The following LHFPL3 variants were observed in gnomAD, a reference collection of about 807,000 sequenced individuals.
LHFPL3 encodes the protein LHFPL tetraspan subfamily member 3 protein.
A neutral mutation model predicts 19.3 loss-of-function variants in LHFPL3; 5 were observed. The observed-to-expected ratio is 0.26, with a 90% CI of 0.14 to 0.54. LHFPL3 has a LOEUF of 0.54. LHFPL3 is among the 20% of genes least tolerant of loss of function. LHFPL3 has a pLI of 0.94. For synonymous variants in LHFPL3, 133 were observed against 126.2 expected, an observed-to-expected ratio of 1.05 and a Z score of -0.36; for missense variants, 249 against 307.4, an observed-to-expected ratio of 0.81 and a Z score of 1.42.
At chr7:104,502,185 C>T (rs1239015368) in intron 1 of LHFPL3, among the ~76,000 whole-genome samples, 4 of 152,254 alleles carry the variant, frequency 2.6e-5, no homozygotes, top group African/African-American at 7.2e-5. Context: ...GATGTAGTCT[C>T]CTAACTGTAT....
intron 1 of LHFPL3, among the ~76,000 whole-genome samples, chr7:104,450,322 C>T (rs560294616): frequency 6.6e-6 from 1 of 152,162 alleles, no homozygotes. Context: ...ATGAGGTTAT[C>T]CTTCTGGGTA....
At chr7:104,504,208 G>C (rs1347485129) in intron 1 of LHFPL3, among the ~76,000 whole-genome samples, 1 of 152,144 alleles carries the variant, frequency 6.6e-6, no homozygotes, top group Non-Finnish European at 1.5e-5. Context: ...GAAAATCATA[G>C]AAAAATATGA....
intron 1 of LHFPL3, among the ~76,000 whole-genome samples, chr7:104,571,754 A>T (rs1209863647): frequency 6.6e-6 from 1 of 152,190 alleles, no homozygotes; most frequent in Admixed American, 6.6e-5. Flanking sequence ...GTATTTGCAG[A>T]CAACCAAGTC....
chr7:104,344,016 A>G (rs1283364388), intron 1 of LHFPL3, among the ~76,000 whole-genome samples: 2 of 152,258 alleles, frequency 1.3e-5, no homozygotes, highest in Admixed American at 6.5e-5. Context: ...GCAAATACTA[A>G]TTAGATTAAA....
At chr7:104,852,041 T>TC (rs1318761702) in intron 2 of LHFPL3, among the ~76,000 whole-genome samples, 2 of 152,030 alleles carry the variant, frequency 1.3e-5, no homozygotes, top group East Asian at 3.9e-4. Flanking sequence ...CCAACTTTTT[T>TC]CCCTCTCCCT....
intron 1 of LHFPL3, among the ~76,000 whole-genome samples, chr7:104,418,332 A>G (rs1032038261): frequency 6.6e-6 from 1 of 152,220 alleles, no homozygotes; most frequent in African/African-American, 2.4e-5. Context: ...CAGAGATTTG[A>G]GACCAGTCTG....
chr7:104,341,553 C>T (rs748056027), intron 1 of LHFPL3, among the ~76,000 whole-genome samples: 8 of 152,142 alleles, frequency 5.3e-5, no homozygotes, highest in Non-Finnish European at 8.8e-5. Flanking sequence ...CTTGTTTGAC[C>T]ACACTGTTTT....
At chr7:104,416,036 A>C (rs1338849952) in intron 1 of LHFPL3, among the ~76,000 whole-genome samples, 3 of 152,218 alleles carry the variant, frequency 2.0e-5, no homozygotes, top group Non-Finnish European at 4.4e-5. Context: ...ACATGACCTC[A>C]TTTGGAGATA....
chr7:104,435,560 ATTT>A (rs35738483), intron 1 of LHFPL3, among the ~76,000 whole-genome samples: 1 of 143,918 alleles, frequency 6.9e-6, no homozygotes, highest in Non-Finnish European at 1.5e-5. Context: ...TTCTTTCTAG[ATTT>A]TTTTTTTTTT....
chr7:104,387,165 A>G (rs78151800), intron 1 of LHFPL3, among the ~76,000 whole-genome samples: 13,996 of 152,274 alleles, frequency 0.092, 695 homozygotes, highest in African/African-American at 0.1. Flanking sequence ...GAGGACAGCA[A>G]CAAACTTATA....
At chr7:104,436,802 A>G (rs1220537028) in intron 1 of LHFPL3, among the ~76,000 whole-genome samples, 3 of 152,328 alleles carry the variant, frequency 2.0e-5, no homozygotes, top group East Asian at 3.9e-4. Context: ...ATATCATTAA[A>G]TTGTACTTGC....
intron 1 of LHFPL3, among the ~76,000 whole-genome samples, chr7:104,620,198 C>T (rs1174797469): frequency 1.3e-5 from 2 of 152,142 alleles, no homozygotes; most frequent in African/African-American, 4.8e-5. Context: ...GCCTGGGACC[C>T]AGCCTTGATA....
chr7:104,827,177 G>A (rs1790840849), intron 2 of LHFPL3, among the ~76,000 whole-genome samples: 2 of 151,990 alleles, frequency 1.3e-5, no homozygotes, highest in Non-Finnish European at 2.9e-5. Flanking sequence ...ACAAATCATG[G>A]CATAGAATGG....
At chr7:104,557,316 G>C (rs1046089419) in intron 1 of LHFPL3, among the ~76,000 whole-genome samples, 2 of 152,168 alleles carry the variant, frequency 1.3e-5, no homozygotes, top group Non-Finnish European at 2.9e-5. Flanking sequence ...GTTCCACATA[G>C]CTGGGGAGGC....
At chr7:104,380,113 C>T (rs142963471) in intron 1 of LHFPL3, among the ~76,000 whole-genome samples, 57 of 152,270 alleles carry the variant, frequency 3.7e-4, no homozygotes, top group African/African-American at 1.3e-3. Context: ...TTACTTACTG[C>T]TATGTGACCT....
At chr7:104,773,388 G>C (rs1794590031) in intron 2 of LHFPL3, among the ~76,000 whole-genome samples, 1 of 152,230 alleles carries the variant, frequency 6.6e-6, no homozygotes, top group African/African-American at 2.4e-5. Context: ...TCCCAAAAAG[G>C]CAGGAGTGTT....
At chr7:104,540,483 A>G (rs1384749381) in intron 1 of LHFPL3, among the ~76,000 whole-genome samples, 2 of 152,242 alleles carry the variant, frequency 1.3e-5, no homozygotes, top group Admixed American at 6.5e-5. Flanking sequence ...ACAAAGAATT[A>G]TCTGGCCCCA....
chr7:104,865,105 T>TA (rs1188931172), intron 2 of LHFPL3, among the ~76,000 whole-genome samples: 2 of 151,884 alleles, frequency 1.3e-5, no homozygotes, highest in Non-Finnish European at 2.9e-5. Context: ...CAAAGGTAGA[T>TA]AAAACCACAA....
At chr7:104,776,879 C>A (rs1794645058) in intron 2 of LHFPL3, among the ~76,000 whole-genome samples, 1 of 152,144 alleles carries the variant, frequency 6.6e-6, no homozygotes, top group African/African-American at 2.4e-5. Context: ...GCAAACATAC[C>A]TACTTGTGGC....
Sources: allele counts gnomAD v4.1 joint callset (sites outside exome capture counted in the v4.1 genomes callset), GRCh38; gene constraint gnomAD v4.1.1; transcripts MANE v1.5; gene names NCBI Gene and HGNC (gene_info 2026-07-23, HGNC 2026-07-21).